The following SPATA6 variants were observed in gnomAD, a reference collection of about 807,000 sequenced individuals.
SPATA6 encodes the protein spermatogenesis-associated protein 6.
A neutral mutation model predicts 65.3 loss-of-function variants in SPATA6; 56 were observed. The ratio of observed to expected loss-of-function variants is 0.86; its 90% CI spans 0.69 to 1.07. SPATA6 has a LOEUF of 1.07. Among genes scored for constraint, SPATA6 ranks in the 50% least tolerant of loss-of-function variants. SPATA6 has a pLI of 0.00. For synonymous variants in SPATA6, 199 were observed against 213.2 expected (o/e 0.93, Z 0.58); for missense variants, 590 against 594.8 (o/e 0.99, Z 0.08).
intron 3 of SPATA6, among the ~76,000 whole-genome samples, chr1:48,415,867 C>T (rs1254796430): frequency 1.3e-5 from 2 of 151,990 alleles, no homozygotes; most frequent in Non-Finnish European, 2.9e-5. Flanking sequence ...CCAAAATATC[C>T]CTAGGCATGT....
At chr1:48,462,530 G>C (rs889506288) in intron 1 of SPATA6, among the ~76,000 whole-genome samples, 1 of 152,042 alleles carries the variant, frequency 6.6e-6, no homozygotes, top group Non-Finnish European at 1.5e-5. Context: ...TCATAGTGAA[G>C]ATTTTAATAC....
intron 11 of SPATA6, among the ~76,000 whole-genome samples, chr1:48,334,032 G>A (rs748519889): frequency 6.6e-5 from 10 of 152,242 alleles, no homozygotes; most frequent in Non-Finnish European, 1.5e-4. Flanking sequence ...AAATCTAGAA[G>A]AAATGGATAA....
At chr1:48,395,187 T>G in intron 8 of SPATA6, 80 bp downstream of exon 8, 1 of 1,087,104 alleles carries the variant, frequency 9.2e-7, no homozygotes, top group Non-Finnish European at 1.3e-6. Flanking sequence ...AGATTCTGTT[T>G]TTGTTAATTG....
Position 48,298,846 on chromosome 1 carries a change from T to C in SPATA6, c.1334A>G (p.Tyr445Cys). 1 of 1,613,948 alleles carries C rather than the reference T, an allele frequency of 6.2e-7. No homozygotes were observed. Among genetic ancestry groups the C allele is most frequent in the Non-Finnish European group, 8.5e-7 (1 of 1,179,930 alleles). Reference protein sequence around the residue: ...RGTFHLDDGEYWSNRAASYKG... With the variant: ...RGTFHLDDGECWSNRAASYKG... ...ATAAGAGGCTGCCCTGTTGGACCAG[T>C]ATTCACCGTCATCCAAATGGAAAGT... Residue 445 changes from tyrosine to cysteine, a missense_variant, in exon 13 of 13, where the codon TAC becomes TGC. Physicochemically the swap from Tyr to Cys is radical, Grantham distance 194. Coordinates refer to ENST00000371847, the MANE Select transcript of SPATA6 (RefSeq NM_019073.4).
intron 9 of SPATA6, among the ~76,000 whole-genome samples, chr1:48,363,767 C>A (rs1026786744): frequency 6.6e-6 from 1 of 150,778 alleles, no homozygotes; most frequent in African/African-American, 2.4e-5. Context: ...TCTTTTTTTT[C>A]ATGTTGCCTT....
chr1:48,445,659 CAAAAAA>C lies in SPATA6; in HGVS notation c.238+5887_238+5892del, dbSNP rs10632587. Among the ~76,000 whole-genome samples, 25 of 51,270 alleles carry C rather than the reference CAAAAAA, an allele frequency of 4.9e-4. No individual in the cohort carries two copies. In the East Asian group the frequency reaches 0.019, roughly 39 times the overall value. The allele number at this position is 51,270 out of a possible 152,430, so 33.6% of individuals were successfully genotyped here. ...TGGGAGAGAGAGTGAGACTCTGTCTCAAAAAAAAAAAAAAAAAAAAAAAAAAAAGCT... is the reference window on the plus strand; with the variant it reads ...TGGGAGAGAGAGTGAGACTCTGTCTCAAAAAAAAAAAAAAAAAAAAAAGCT... On this transcript the variant is annotated intron_variant, in intron 3 of 12. Coordinates refer to ENST00000371847, the MANE Select transcript of SPATA6 (RefSeq NM_019073.4).
chr1:48,299,681 T>G (rs1644888452), intron 12 of SPATA6, among the ~76,000 whole-genome samples: 1 of 152,036 alleles, frequency 6.6e-6, no homozygotes, highest in Non-Finnish European at 1.5e-5. Flanking sequence ...GTTTTAAAAT[T>G]TAAACACAGA....
rs34890514 is a variant in SPATA6 at position 48,297,125 on chromosome 1, G to GGTGTGTGTGTGTGTGTGTGTGT, written c.*1566_*1587dup. The GGTGTGTGTGTGTGTGTGTGTGT allele has an allele frequency of 4.8e-5, 7 of 144,578 alleles. No homozygotes were observed. The highest frequency in any genetic ancestry group is 6.9e-5 in the Admixed American group (1 of 14,410). 9.0% of individuals were successfully genotyped at this position (144,578 alleles called of 1,614,324 possible). A position where few individuals can be genotyped will look rare whatever the true frequency, so the allele number is the denominator to read the frequency against. ...TAATCCTACATATGACTCTCTAAGAGGTGTGTGTGTGTGTGTGTGTGTGTG... is the reference window on the plus strand; with the variant it reads ...TAATCCTACATATGACTCTCTAAGAGGTGTGTGTGTGTGTGTGTGTGTGTGTGTGTGTGTGTGTGTGTGTGTG... On this transcript the variant is annotated 3_prime_UTR_variant, in exon 13 of 13. Coordinates refer to ENST00000371847, the MANE Select transcript of SPATA6 (RefSeq NM_019073.4).
At chr1:48,431,569 A>C (rs1479019813) in intron 3 of SPATA6, among the ~76,000 whole-genome samples, 2 of 152,212 alleles carry the variant, frequency 1.3e-5, no homozygotes, top group Non-Finnish European at 2.9e-5. Context: ...AGGAAGATGG[A>C]TATACAAAGT....
chr1:48,398,261 C>A (rs966309169), intron 7 of SPATA6, among the ~76,000 whole-genome samples: 1 of 146,080 alleles, frequency 6.8e-6, no homozygotes, highest in African/African-American at 2.5e-5. Context: ...TATAAATTTT[C>A]TTTTATGATA....
At chr1:48,335,339 A>AAAAAAAAAAG (rs1401238740) in intron 11 of SPATA6, among the ~76,000 whole-genome samples, 1 of 150,910 alleles carries the variant, frequency 6.6e-6, no homozygotes, top group Non-Finnish European at 1.5e-5. Flanking sequence ...ATCCTAGGCA[A>AAAAAAAAAAG]AAAAAAAAGA....
rs1267526102 is a variant in SPATA6 at position 48,297,920 on chromosome 1, A to G, written c.*793T>C. On this transcript the variant is annotated 3_prime_UTR_variant, in exon 13 of 13. Transcript: ENST00000371847. ...AAATTCCAAGCAGTCAAATTACAATATAATTCCATTATTATTTTTAGGTTT... is the reference window on the plus strand; with the variant it reads ...AAATTCCAAGCAGTCAAATTACAATGTAATTCCATTATTATTTTTAGGTTT... 6.6e-6 allele frequency: 1 copy of G among 152,170 alleles called. No individual in the cohort carries two copies. The highest frequency in any genetic ancestry group is 2.1e-4 in the South Asian group (1 of 4,832). The allele number at this position is 152,170 out of a possible 1,614,324, so 9.4% of individuals were successfully genotyped here. A position where few individuals can be genotyped will look rare whatever the true frequency, so the allele number is the denominator to read the frequency against.
At chr1:48,347,117 C>A (rs184788644) in intron 11 of SPATA6, among the ~76,000 whole-genome samples, 26 of 151,934 alleles carry the variant, frequency 1.7e-4, no homozygotes, top group Admixed American at 8.6e-4. Flanking sequence ...CAAAAACAGA[C>A]ACATAGACCA....
At chr1:48,364,281 T>C (rs532078051) in intron 9 of SPATA6, among the ~76,000 whole-genome samples, 63 of 152,338 alleles carry the variant, frequency 4.1e-4, no homozygotes, top group African/African-American at 5.1e-4. Context: ...TGTGTCTTTA[T>C]AGAAGCATGA....
rs201022395 is a variant in SPATA6, at chr1:48,466,637, TG to T, written c.51+5320del. Among the ~76,000 whole-genome samples the T allele has an allele frequency of 4.6e-3, 693 of 151,372 alleles. 15 individuals carry two copies. The East Asian group carries it at 0.057, about 12-fold the overall frequency. ...AATTTATCATTTGTTAAATGGGGGGTGGGGCATCAAAGGATTCAGTTTTTTT... is the reference window on the plus strand; with the variant it reads ...AATTTATCATTTGTTAAATGGGGGGTGGGCATCAAAGGATTCAGTTTTTTT... On this transcript the variant is annotated intron_variant, in intron 1 of 12. Transcript: ENST00000371847.
At chr1:48,428,837 A>G (rs1230969601) in intron 3 of SPATA6, among the ~76,000 whole-genome samples, 3 of 142,332 alleles carry the variant, frequency 2.1e-5, no homozygotes, top group Admixed American at 7.2e-5. Context: ...GTGTATATAT[A>G]TGTGTATATA....
intron 8 of SPATA6, 85 bp downstream of exon 8, chr1:48,395,180 TTC>T: frequency 3.1e-6 from 3 of 978,722 alleles, no homozygotes; most frequent in South Asian, 2.3e-5. Context: ...GTAACAAAGA[TTC>T]TGTTTTTGTT....
intron 1 of SPATA6, among the ~76,000 whole-genome samples, chr1:48,456,325 A>G (rs1052151716): frequency 6.6e-6 from 1 of 152,262 alleles, no homozygotes; most frequent in Non-Finnish European, 1.5e-5. Flanking sequence ...CAGATTTTAC[A>G]AAGTTAGTTC....
chr1:48,426,140 C>T (rs1313174614), intron 3 of SPATA6, among the ~76,000 whole-genome samples: 1 of 152,024 alleles, frequency 6.6e-6, no homozygotes, highest in Non-Finnish European at 1.5e-5. Context: ...AAGAACAGAA[C>T]AAACAACCCA....
Sources: gnomAD v4.1 joint callset for allele counts (sites outside exome capture counted in the v4.1 genomes callset) on GRCh38, gnomAD v4.1.1 for gene constraint, MANE v1.5 for transcripts, NCBI Gene and HGNC (gene_info 2026-07-23, HGNC 2026-07-21) for gene names.